CFAP53: variants seen among roughly 807,000 people sequenced by gnomAD.
CFAP53 encodes cilia- and flagella-associated protein 53.
Under a neutral mutation model 59.7 loss-of-function variants are expected in CFAP53, and 62 were observed. The observed-to-expected ratio is 1.04, with a 90% CI of 0.85 to 1.28. The LOEUF is 1.28. Among genes scored for constraint, CFAP53 ranks in the 50% most tolerant of loss-of-function variants. CFAP53 has a pLI of 0.00. For missense variants in CFAP53, 629 were observed against 615.6 expected, an observed-to-expected ratio of 1.02 and a Z score of -0.23; for synonymous variants, 218 against 205.7, an observed-to-expected ratio of 1.06 and a Z score of -0.51.
In CFAP53 at chr18:50,262,184, G is replaced by A; in HGVS notation, c.105C>T (p.His35=). 3 of 1,614,160 alleles carry A rather than the reference G, an allele frequency of 1.9e-6. No homozygotes were observed. The highest frequency in any genetic ancestry group is 1.7e-6 in the Non-Finnish European group (2 of 1,180,020). The change falls in exon 2 of 8, where the codon CAC becomes CAT. Residue 35 remains histidine, a synonymous_variant. Transcript: ENST00000398545. ...SKPPKGQGAE[H]HLERIRRSHQ... is the part of the protein sequence containing the mutation. ...GGCTGCGTCGGATTCTTTCTAGATG[G>A]TGCTCAGCTCCTTGGCCTTTAGGAG... is the stretch of plus-strand genomic sequence containing the variant.
At chr18:50,266,281 G>T in intron 1 of CFAP53, 55 bp downstream of exon 1, 1 of 1,563,426 alleles carries the variant, frequency 6.4e-7, no homozygotes, top group Middle Eastern at 1.7e-4. Context: ...GCCAGGCCTG[G>T]AGTGCGGAGA....
chr18:50,251,081 C>T (rs2033794555), intron 4 of CFAP53, 105 bp from the exon 5 acceptor site: 4 of 934,186 alleles, frequency 4.3e-6, no homozygotes, highest in Admixed American at 1.9e-5. Flanking sequence ...GAAATACACA[C>T]ACACCTGGAT....
chr18:50,263,305 C>T (rs972940323), intron 1 of CFAP53, among the ~76,000 whole-genome samples: 10 of 152,142 alleles, frequency 6.6e-5, no homozygotes, highest in African/African-American at 2.4e-4. Context: ...AAACAAAACT[C>T]TTAAGAGACA....
intron 7 of CFAP53, 81 bp downstream of exon 7, chr18:50,238,522 G>T: frequency 3.5e-6 from 3 of 847,470 alleles, no homozygotes; most frequent in South Asian, 1.6e-5. Context: ...AAAGTACTGG[G>T]ATTACAGGTG....
intron 1 of CFAP53, among the ~76,000 whole-genome samples, chr18:50,265,406 A>G (rs1341436716): frequency 1.3e-5 from 2 of 152,242 alleles, no homozygotes. Context: ...AAGATATTGC[A>G]TTATGTATAT....
intron 1 of CFAP53, among the ~76,000 whole-genome samples, chr18:50,263,015 G>A (rs780629944): frequency 5.9e-5 from 9 of 152,148 alleles, no homozygotes; most frequent in Non-Finnish European, 1.0e-4. Context: ...TGTACCATTT[G>A]AATATATATA....
intron 7 of CFAP53, among the ~76,000 whole-genome samples, chr18:50,228,741 A>G (rs1378870987): frequency 6.6e-6 from 1 of 152,162 alleles, no homozygotes; most frequent in Non-Finnish European, 1.5e-5. Flanking sequence ...CAGTGAGCCA[A>G]GACTGCGCCA....
chr18:50,257,024 G>T (rs759831648), intron 3 of CFAP53, among the ~76,000 whole-genome samples: 4 of 150,952 alleles, frequency 2.6e-5, no homozygotes, highest in East Asian at 1.9e-4. Flanking sequence ...AATACTTACT[G>T]AATGAATGAA....
chr18:50,261,353 G>C, intron 2 of CFAP53, 116 bp from the exon 3 acceptor site: 1 of 1,152,840 alleles, frequency 8.7e-7, no homozygotes, highest in Non-Finnish European at 1.2e-6. Flanking sequence ...GATCACTGCA[G>C]TCTTCCACAG....
At chr18:50,245,534 C>T (rs1394386331) in intron 5 of CFAP53, among the ~76,000 whole-genome samples, 3 of 151,978 alleles carry the variant, frequency 2.0e-5, no homozygotes, top group African/African-American at 7.3e-5. Context: ...AAATGTTATA[C>T]TTAGGAATAA....
intron 1 of CFAP53, among the ~76,000 whole-genome samples, chr18:50,264,562 C>A (rs540862667): frequency 5.2e-4 from 79 of 152,290 alleles, no homozygotes; most frequent in Middle Eastern, 3.4e-3. Context: ...ACAGGTTTCT[C>A]CTGGGGAATT....
chr18:50,262,795 T>G (rs975114171), intron 1 of CFAP53, among the ~76,000 whole-genome samples: 3 of 152,040 alleles, frequency 2.0e-5, no homozygotes, highest in Admixed American at 6.6e-5. Flanking sequence ...GTTGTGATAA[T>G]GAAAGATCTT....
intron 7 of CFAP53, among the ~76,000 whole-genome samples, chr18:50,237,329 AATAT>A (rs1555671379): frequency 4.7e-4 from 3 of 6,348 alleles, no homozygotes; most frequent in South Asian, 0.031. Flanking sequence ...AAAAAAAAAA[AATAT>A]ATATATATAT....
At chr18:50,266,168 T>C (rs1196631839) in intron 1 of CFAP53, among the ~76,000 whole-genome samples, 168 bp downstream of exon 1, 4 of 152,186 alleles carry the variant, frequency 2.6e-5, no homozygotes. Flanking sequence ...GTGGGGTAGA[T>C]AGGTGAGCGA....
At chr18:50,250,268 T>A (rs9945196) in intron 5 of CFAP53, among the ~76,000 whole-genome samples, 98,544 of 149,524 alleles carry the variant, frequency 0.66, 32,966 homozygotes, top group East Asian at 0.79. Context: ...TAATTAAAAA[T>A]CAAAGTACAT....
chr18:50,227,218 C>A lies in CFAP53; in HGVS notation c.*163G>T. ...TTTGGATTTGTAAGTCTGTGAACTC[C>A]AAAATAGGCACAGGTTTATTCAAAG... is the stretch of plus-strand genomic sequence containing the variant. On this transcript the variant is annotated 3_prime_UTR_variant, in exon 8 of 8. Coordinates refer to ENST00000398545, the MANE Select transcript of CFAP53 (RefSeq NM_145020.5). 1 of 598,230 alleles carries A rather than the reference C, an allele frequency of 1.7e-6. No homozygotes were observed. Among genetic ancestry groups the A allele is most frequent in the Non-Finnish European group, 2.9e-6 (1 of 345,324 alleles). 37.1% of individuals were successfully genotyped at this position (598,230 alleles called of 1,614,324 possible).
intron 5 of CFAP53, among the ~76,000 whole-genome samples, chr18:50,244,388 C>T (rs2033722402): frequency 6.6e-6 from 1 of 152,150 alleles, no homozygotes; most frequent in South Asian, 2.1e-4. Context: ...TAAGACGTGC[C>T]TTGCTTCCCC....
chr18:50,266,446 T>C lies in CFAP53; in HGVS notation c.-42A>G, dbSNP rs745730182. 7.1e-5 allele frequency: 113 copies of C among 1,602,530 alleles called. 2 individuals carry two copies. The Middle Eastern group carries it at 5.0e-3, about 70-fold the overall frequency. On this transcript the variant is annotated 5_prime_UTR_variant, in exon 1 of 8. Transcript: ENST00000398545. ...GGACGGGGGCGGCGTCCGCCGCGTT[T>C]CCCCCAACCGTGGCGACCTGCGGGA...
At chr18:50,230,384 C>T (rs1228598518) in intron 7 of CFAP53, among the ~76,000 whole-genome samples, 1 of 152,150 alleles carries the variant, frequency 6.6e-6, no homozygotes, top group African/African-American at 2.4e-5. Flanking sequence ...GCTCTAAAAA[C>T]TCTTGAACAA....
Sources: allele counts gnomAD v4.1 joint callset (sites outside exome capture counted in the v4.1 genomes callset), GRCh38; gene constraint gnomAD v4.1.1; transcripts MANE v1.5; gene names NCBI Gene and HGNC (gene_info 2026-07-23, HGNC 2026-07-21).